RASSF4: variants seen among roughly 807,000 people sequenced by gnomAD.
RASSF4 encodes Ras association domain family member 4, also known as ras association domain-containing protein 4.
Under a neutral mutation model 41.1 loss-of-function variants are expected in RASSF4, and 38 were observed. The observed-to-expected ratio is 0.92, with a 90% confidence interval of 0.71 to 1.21. The LOEUF (loss-of-function observed/expected upper bound fraction) is 1.21. Ranked by LOEUF, RASSF4 falls within the 50% of genes most tolerant of loss-of-function variation. The pLI is 0.00. For synonymous variants in RASSF4, 179 were observed against 163.4 expected, an observed-to-expected ratio of 1.10 and a Z score of -0.73; for missense variants, 414 against 419.4, an observed-to-expected ratio of 0.99 and a Z score of 0.11.
chr10:44,977,242 G>T (rs962078014), intron 3 of RASSF4: 3 of 945,606 alleles, frequency 3.2e-6, no homozygotes, highest in Non-Finnish European at 4.8e-6. Flanking sequence ...TTCAGAGGGG[G>T]TCGGTCTCAC....
intron 6 of RASSF4, among the ~76,000 whole-genome samples, chr10:44,988,637 C>G (rs1842000716): frequency 6.6e-6 from 1 of 152,240 alleles, no homozygotes; most frequent in Non-Finnish European, 1.5e-5. Context: ...TCACATTGAA[C>G]TGCACAGATC....
At chr10:44,983,141 C>T (rs1388527834) in intron 4 of RASSF4, 2 of 364,910 alleles carry the variant, frequency 5.5e-6, no homozygotes, top group East Asian at 7.4e-5. Flanking sequence ...TGGTCTCCTG[C>T]CTGCCTTACC....
chr10:44,983,208 T>C (rs186936098), intron 4 of RASSF4: 1 of 346,212 alleles, frequency 2.9e-6, no homozygotes, highest in East Asian at 7.7e-5. Flanking sequence ...AGTTAGTAGC[T>C]GGGCCTTGCC....
intron 8 of RASSF4, 113 bp from the exon 9 acceptor site, chr10:44,990,835 G>A: frequency 9.9e-6 from 11 of 1,116,600 alleles, no homozygotes; most frequent in Non-Finnish European, 1.3e-5. Context: ...CGAGGTCTGT[G>A]TTCTTAGGGT....
In RASSF4 at chr10:44,971,789, C is replaced by G. The variant is rs1841180834; in HGVS notation, c.79C>G (p.Leu27Val). The change falls in exon 3 of 11, where the codon CTG (leucine) becomes GTG (valine). Residue 27 changes from leucine (L) to valine (V), a missense_variant. Transcript: ENST00000340258. ...CCTTTTTAGGTCGGAGCTCTTAGGC[C>G]TGCTGAAAACCTACAACTGCTACCA... ...KSIQKSELLG[L>V]LKTYNCYHEG... 1 of 1,613,982 alleles carries G rather than the reference C, an allele frequency of 6.2e-7. No individual in the cohort carries two copies. The highest frequency in any genetic ancestry group is 8.5e-7 in the Non-Finnish European group (1 of 1,179,874).
chr10:44,961,225 A>G (rs1840696831), intron 1 of RASSF4, among the ~76,000 whole-genome samples: 1 of 152,230 alleles, frequency 6.6e-6, no homozygotes, highest in South Asian at 2.1e-4. Flanking sequence ...GGTTGATGCT[A>G]CAGATTAAAG....
At position 44,984,095 on chromosome 10, in the gene RASSF4, AGTTC is replaced by A; in HGVS notation, c.356_359del (p.Ser119ThrfsTer17). 1 of 1,604,438 alleles carries A rather than the reference AGTTC, an allele frequency of 6.2e-7. No homozygotes were observed. Among genetic ancestry groups the A allele is most frequent in the Non-Finnish European group, 8.5e-7 (1 of 1,175,728 alleles). ...CATTCAGCCAGTGCACAAGGCTGAG[AGTTC>A]CACAGACAGCTCGGGTAAGCGGAGC... On this transcript the variant is annotated frameshift_variant, in exon 5 of 11. Transcript: ENST00000340258. LOFTEE classifies it high-confidence loss of function.
intron 3 of RASSF4, among the ~76,000 whole-genome samples, chr10:44,978,416 G>T (rs1301181709): frequency 1.3e-5 from 2 of 152,140 alleles, no homozygotes; most frequent in Non-Finnish European, 2.9e-5. Context: ...ATAAAACAGG[G>T]TTATAAATAC....
At chr10:44,985,836 C>A (rs1157686626) in intron 6 of RASSF4, among the ~76,000 whole-genome samples, 1 of 152,184 alleles carries the variant, frequency 6.6e-6, no homozygotes, top group African/African-American at 2.4e-5. Flanking sequence ...CTCCCTTCCA[C>A]CCCCTGCTAG....
At chr10:44,977,964 GCATCTCCTC>G (rs763649800) in intron 3 of RASSF4, 2 of 1,611,988 alleles carry the variant, frequency 1.2e-6, no homozygotes, top group East Asian at 4.5e-5. Context: ...CCCCCAAGCA[GCATCTCCTC>G]CGTGGTCTCC....
chr10:44,970,289 C>T lies in RASSF4; in HGVS notation c.62+25C>T, dbSNP rs138872052. On this transcript the variant is annotated intron_variant, in intron 2 of 10. Transcript: ENST00000340258. ...AGTAAGCCTTGGTGTGCAGGTTGGGCGGGGGAGTCTTCACATTTGCCATCC... is the reference window on the plus strand; with the variant it reads ...AGTAAGCCTTGGTGTGCAGGTTGGGTGGGGGAGTCTTCACATTTGCCATCC... 1,128 of 1,603,602 alleles carry T rather than the reference C, an allele frequency of 7.0e-4. 2 individuals are homozygous for T. The African/African-American group carries it at 0.012, about 16-fold the overall frequency.
intron 1 of RASSF4, among the ~76,000 whole-genome samples, chr10:44,963,505 A>G (rs963476965): frequency 1.3e-5 from 2 of 152,158 alleles, no homozygotes; most frequent in Non-Finnish European, 2.9e-5. Context: ...GTGGCTGGCA[A>G]TTCGAATGTG....
intron 3 of RASSF4, among the ~76,000 whole-genome samples, chr10:44,979,838 A>G (rs1379557704): frequency 2.0e-5 from 3 of 152,010 alleles, no homozygotes; most frequent in Admixed American, 6.5e-5. Flanking sequence ...TTCTGCTTCA[A>G]AGGATCGCTG....
rs1842025956 is a variant in RASSF4 at position 44,989,311 on chromosome 10, A to G, written c.569A>G (p.Asn190Ser). The G allele has an allele frequency of 6.2e-7, 1 of 1,613,922 alleles. No homozygotes were observed. Among genetic ancestry groups the G allele is most frequent in the African/African-American group, 1.3e-5 (1 of 75,018 alleles). The change falls in exon 7 of 11, where the codon AAT (asparagine) becomes AGT (serine). Residue 190 changes from asparagine (N) to serine (S), a missense_variant. Physicochemically the swap from Asn to Ser is conservative, Grantham distance 46 (BLOSUM62 1). Coordinates refer to ENST00000340258, the MANE Select transcript of RASSF4 (RefSeq NM_032023.4). Reference sequence around the variant, plus strand: ...ACTCCAGCCTATGGATCCGTGACCAATGTGAGGGTCAACAGCACCATGACA... The same window carrying G: ...ACTCCAGCCTATGGATCCGTGACCAGTGTGAGGGTCAACAGCACCATGACA... The part of the protein sequence containing the change: ...VFTPAYGSVT[N>S]VRVNSTMTTL...
intron 3 of RASSF4, among the ~76,000 whole-genome samples, chr10:44,980,235 G>C (rs865901274): frequency 6.6e-6 from 1 of 152,220 alleles, no homozygotes; most frequent in Non-Finnish European, 1.5e-5. Context: ...GAGTGCCTGA[G>C]ACAGTGACCA....
intron 4 of RASSF4, chr10:44,982,963 T>C (rs1266982616): frequency 1.5e-6 from 1 of 651,380 alleles, no homozygotes; most frequent in Non-Finnish European, 2.9e-6. Flanking sequence ...CCAACACCTA[T>C]GCAAGCCGAA....
At chr10:44,971,669 C>A in intron 2 of RASSF4, 104 bp from the exon 3 acceptor site, 1 of 892,010 alleles carries the variant, frequency 1.1e-6, no homozygotes, top group South Asian at 1.3e-5. Context: ...AGGGTGCTGT[C>A]ACACTCCTGT....
intron 3 of RASSF4, chr10:44,982,315 G>A (rs1753606241): frequency 1.5e-6 from 1 of 678,292 alleles, no homozygotes; most frequent in South Asian, 1.7e-5. Context: ...GGCCAGGCAT[G>A]AGCTGAGCAC....
intron 6 of RASSF4, among the ~76,000 whole-genome samples, chr10:44,988,673 A>T (rs1404095641): frequency 6.6e-6 from 1 of 152,258 alleles, no homozygotes; most frequent in African/African-American, 2.4e-5. Flanking sequence ...CTACAGACGC[A>T]GACTCTGATT....
Sources: gnomAD v4.1 joint callset for allele counts (sites outside exome capture counted in the v4.1 genomes callset) on GRCh38, gnomAD v4.1.1 for gene constraint, MANE v1.5 for transcripts, NCBI Gene and HGNC (gene_info 2026-07-23, HGNC 2026-07-21) for gene names.